CLASP1: variants seen among roughly 807,000 people sequenced by gnomAD.
CLASP1 encodes CLIP-associating protein 1.
A neutral mutation model predicts 192.3 loss-of-function variants in CLASP1; 38 were observed. The observed-to-expected ratio is 0.20, with a 90% confidence interval of 0.15 to 0.26. The LOEUF is 0.26. CLASP1 is among the 10% of genes least tolerant of loss of function. The pLI, the probability that CLASP1 is intolerant of heterozygous loss-of-function variation, is 1.00. For missense variants in CLASP1, 1,433 were observed against 1,932.5 expected, an observed-to-expected ratio of 0.74 and a Z score of 4.85; for synonymous variants, 691 against 712.8, an observed-to-expected ratio of 0.97 and a Z score of 0.49.
At chr2:121,619,122 C>T (rs1038598765) in intron 1 of CLASP1, among the ~76,000 whole-genome samples, 6 of 152,114 alleles carry the variant, frequency 3.9e-5, no homozygotes, top group Non-Finnish European at 7.4e-5. Flanking sequence ...AATGTAATTA[C>T]GACAAAATCC....
chr2:121,454,327 C>T (rs1057246581), intron 14 of CLASP1, among the ~76,000 whole-genome samples: 12 of 152,108 alleles, frequency 7.9e-5, no homozygotes, highest in Non-Finnish European at 1.3e-4. Context: ...TCCTCCTTCC[C>T]ACCCTGCTCT....
intron 2 of CLASP1, among the ~76,000 whole-genome samples, chr2:121,581,287 A>G (rs1403778199): frequency 1.9e-5 from 1 of 52,272 alleles, no homozygotes; most frequent in African/African-American, 2.0e-4. Context: ...TTTTTTTTTG[A>G]GATGGAGTCT....
intron 7 of CLASP1, among the ~76,000 whole-genome samples, chr2:121,510,458 C>T (rs1575560251): frequency 6.6e-6 from 1 of 152,102 alleles, no homozygotes; most frequent in Non-Finnish European, 1.5e-5. Context: ...TGACTAAATT[C>T]CTACAGAGAC....
intron 8 of CLASP1, among the ~76,000 whole-genome samples, chr2:121,495,398 C>T (rs1232335679): frequency 2.0e-5 from 3 of 152,000 alleles, no homozygotes; most frequent in Non-Finnish European, 2.9e-5. Flanking sequence ...CGGTGGCTCA[C>T]GCCTGTAATA....
At chr2:121,615,649 T>TG (rs2066325964) in intron 1 of CLASP1, among the ~76,000 whole-genome samples, 2 of 151,644 alleles carry the variant, frequency 1.3e-5, no homozygotes, top group East Asian at 4.0e-4. Context: ...CAGGGTGTGG[T>TG]GGCACACGCC....
chr2:121,439,411 T>G (rs1406359738), intron 19 of CLASP1, among the ~76,000 whole-genome samples: 1 of 152,156 alleles, frequency 6.6e-6, no homozygotes, highest in Non-Finnish European at 1.5e-5. Context: ...TTCTTTTAAT[T>G]GTGATGTTAG....
intron 6 of CLASP1, among the ~76,000 whole-genome samples, chr2:121,519,664 C>T (rs1234213068): frequency 1.3e-5 from 2 of 152,238 alleles, no homozygotes; most frequent in Admixed American, 6.5e-5. Context: ...ATCAACACAA[C>T]GGCTAGTGTT....
chr2:121,472,316 C>T (rs1405317737), intron 8 of CLASP1, among the ~76,000 whole-genome samples: 2 of 152,154 alleles, frequency 1.3e-5, no homozygotes, highest in Admixed American at 1.3e-4. Flanking sequence ...GATGACTTAA[C>T]CTCTTGCAAT....
intron 2 of CLASP1, chr2:121,532,668 G>A (rs576175903): frequency 6.6e-6 from 1 of 152,236 alleles, no homozygotes; most frequent in African/African-American, 2.4e-5. Flanking sequence ...CAGGAGCCAA[G>A]GGAAACATAA....
chr2:121,371,405 T>A (rs1049141100), intron 34 of CLASP1, among the ~76,000 whole-genome samples: 7 of 141,958 alleles, frequency 4.9e-5, no homozygotes, highest in Non-Finnish European at 7.7e-5. Flanking sequence ...ATAAATTAAA[T>A]TTTTTTTTTT....
In CLASP1 at chr2:121,450,870, T is replaced by G. The variant is rs369782700; in HGVS notation, c.1523+43A>C. ...GCAATCCTATAATTCATGTGAAATA[T>G]AGAAGAAGTTAATTTAAAAAGTGGT... is the stretch of plus-strand genomic sequence containing the variant. On this transcript the variant is annotated intron_variant, in intron 16 of 39. Coordinates refer to ENST00000263710, the Ensembl canonical transcript of CLASP1. 17 of 1,304,970 alleles carry G rather than the reference T, an allele frequency of 1.3e-5. No individual in the cohort carries two copies. In the African/African-American group the frequency reaches 2.2e-4, roughly 17 times the overall value. The allele number at this position is 1,304,970 out of a possible 1,614,324, so 80.8% of individuals were successfully genotyped here.
At chr2:121,592,564 C>G (rs928717655) in intron 2 of CLASP1, among the ~76,000 whole-genome samples, 1 of 152,142 alleles carries the variant, frequency 6.6e-6, no homozygotes, top group African/African-American at 2.4e-5. Context: ...ATTTCAAAAA[C>G]ATATGAAGCC....
rs558812905 is a variant in CLASP1, at chr2:121,401,219, C to G, written c.2900+290G>C. Among the ~76,000 whole-genome samples the G allele has an allele frequency of 3.9e-5, 6 of 152,168 alleles. No individual in the cohort carries two copies. In the South Asian group the frequency reaches 1.2e-3, roughly 32 times the overall value. On this transcript the variant is annotated intron_variant, in intron 28 of 39. Coordinates refer to ENST00000263710, the Ensembl canonical transcript of CLASP1. ...AATGTAAACAAATATTCTAAATGTT[C>G]CCTTTAAATGTTTTTTAATGAGAAG... is the stretch of plus-strand genomic sequence containing the variant.
intron 2 of CLASP1, among the ~76,000 whole-genome samples, chr2:121,589,262 T>C (rs2062087415): frequency 2.0e-5 from 3 of 152,192 alleles, no homozygotes. Context: ...TTGAAAAACA[T>C]TCTTTAGTTT....
intron 34 of CLASP1, among the ~76,000 whole-genome samples, 161 bp from the exon 36 acceptor site, chr2:121,367,992 G>A (rs1359301340): frequency 6.6e-6 from 1 of 152,118 alleles, no homozygotes; most frequent in Non-Finnish European, 1.5e-5. Flanking sequence ...TACCAAATCC[G>A]TAAACTACCA....
chr2:121,590,409 A>C (rs1319512930), intron 2 of CLASP1, among the ~76,000 whole-genome samples: 1 of 152,244 alleles, frequency 6.6e-6, no homozygotes, highest in Non-Finnish European at 1.5e-5. Flanking sequence ...ACAAATGTAT[A>C]GAAGAGAATA....
intron 6 of CLASP1, among the ~76,000 whole-genome samples, chr2:121,521,192 G>C (rs1207417398): frequency 6.6e-6 from 1 of 152,142 alleles, no homozygotes; most frequent in Non-Finnish European, 1.5e-5. Context: ...TCTAAGATTT[G>C]CTTCAACATA....
chr2:121,527,799 G>A (rs763116348), exon 5 of CLASP1: 17 of 1,608,184 alleles, frequency 1.1e-5, no homozygotes, highest in Non-Finnish European at 1.2e-5. Context: ...CCAGACTTAC[G>A]CATTGAGTGT....
intron 2 of CLASP1, among the ~76,000 whole-genome samples, chr2:121,543,682 CA>C (rs2095276399): frequency 6.6e-6 from 1 of 152,216 alleles, no homozygotes; most frequent in Non-Finnish European, 1.5e-5. Context: ...TAGCCCCCTC[CA>C]AAAGGTCTCC....
Sources: allele counts gnomAD v4.1 joint callset (sites outside exome capture counted in the v4.1 genomes callset), GRCh38; gene constraint gnomAD v4.1.1; transcripts MANE v1.5; gene names NCBI Gene and HGNC (gene_info 2026-07-23, HGNC 2026-07-21).